The following SP100 variants were observed in gnomAD, a reference collection of about 807,000 sequenced individuals.
The protein encoded by SP100 is SP100 nuclear body protein, also known as nuclear autoantigen Sp-100.
Under a neutral mutation model 130.0 loss-of-function variants are expected in SP100, and 84 were observed. That is an observed-to-expected ratio of 0.65 (90% CI 0.54 to 0.77). SP100 has a LOEUF of 0.77. Ranked by LOEUF, SP100 falls within the 30% of genes least tolerant of loss-of-function variation. The pLI, the probability that SP100 is intolerant of heterozygous loss-of-function variation, is 0.00. For missense variants in SP100, 978 were observed against 1,052.2 expected (o/e 0.93, Z 0.97); for synonymous variants, 331 against 351.7 (o/e 0.94, Z 0.66).
Position 230,473,423 on chromosome 2 carries a change from A to G in SP100, c.1529A>G (p.Gln510Arg), listed in dbSNP as rs1314522263. ...RSQEARTESS[Q>R]ASDMMDTMDV... ...CAAGAAGCAAGGACTGAAAGTAGTCAAGCATCTGACATGATGGGTAAGGCT... is the reference window on the plus strand; with the variant it reads ...CAAGAAGCAAGGACTGAAAGTAGTCGAGCATCTGACATGATGGGTAAGGCT... Residue 510 changes from glutamine (Q) to arginine (R), a missense_variant, in exon 16 of 29, where the codon CAA becomes CGA. Gln to Arg is a conservative substitution (Grantham distance 43). Transcript: ENST00000340126. 2 of 1,611,810 alleles carry G rather than the reference A, an allele frequency of 1.2e-6. No individual in the cohort carries two copies. The highest frequency in any genetic ancestry group is 2.2e-5 in the South Asian group (2 of 91,028).
At chr2:230,466,204 CTT>C in intron 11 of SP100, 95 bp from the exon 12 acceptor site, 1 of 198,634 alleles carries the variant, frequency 5.0e-6, no homozygotes, top group Non-Finnish European at 9.3e-6. Flanking sequence ...AAAAAAAAAA[CTT>C]TGTTATTAAC....
At position 230,417,640 on chromosome 2, in the gene SP100, C is replaced by T. The variant is rs2062644900; in HGVS notation, c.82C>T (p.Pro28Ser). 1.9e-6 allele frequency: 3 copies of T among 1,613,002 alleles called. No individual in the cohort carries two copies. The highest frequency in any genetic ancestry group is 2.5e-6 in the Non-Finnish European group (3 of 1,179,686). Residue 28 changes from proline to serine, a missense_variant, in exon 2 of 29, where the codon CCT becomes TCT. Pro to Ser is a moderately conservative substitution (Grantham distance 74). Transcript: ENST00000340126. ...SPVANEMNHL[P>S]AHSHDLQRMF... is the part of the protein sequence containing the mutation. ...AGTAGCAAATGAGATGAACCATCTTCCTGCACACAGCCACGATTTGCAAAG... is the reference window on the plus strand; with the variant it reads ...AGTAGCAAATGAGATGAACCATCTTTCTGCACACAGCCACGATTTGCAAAG...
At chr2:230,431,758 T>G (rs1056271796) in intron 2 of SP100, among the ~76,000 whole-genome samples, 7 of 152,200 alleles carry the variant, frequency 4.6e-5, no homozygotes, top group African/African-American at 1.7e-4. Flanking sequence ...CTATGCAGTT[T>G]AACCTTCTTT....
intron 17 of SP100, among the ~76,000 whole-genome samples, chr2:230,493,189 C>G (rs1239698319): frequency 6.6e-6 from 1 of 151,950 alleles, no homozygotes; most frequent in Non-Finnish European, 1.5e-5. Context: ...ATAATTTGTT[C>G]ACTTACATTG....
intron 25 of SP100, 75 bp from the exon 26 acceptor site, chr2:230,540,801 A>G: frequency 6.5e-7 from 1 of 1,537,554 alleles, no homozygotes; most frequent in Admixed American, 1.8e-5. Flanking sequence ...TCTTGAGCAG[A>G]GGACTTGAAC....
chr2:230,476,870 G>A (rs1182152587), intron 17 of SP100, among the ~76,000 whole-genome samples: 1 of 151,922 alleles, frequency 6.6e-6, no homozygotes, highest in Non-Finnish European at 1.5e-5. Flanking sequence ...GTTTTGTTGT[G>A]TTTTTGTTTA....
chr2:230,453,728 C>T (rs1043486215), intron 8 of SP100, among the ~76,000 whole-genome samples: 2 of 152,066 alleles, frequency 1.3e-5, no homozygotes, highest in Admixed American at 6.5e-5. Flanking sequence ...TTTTCATATA[C>T]GTTTATCAAG....
intron 17 of SP100, among the ~76,000 whole-genome samples, chr2:230,491,481 A>G (rs949076003): frequency 4.6e-5 from 7 of 152,178 alleles, no homozygotes; most frequent in Non-Finnish European, 8.8e-5. Context: ...GCTGTGAGGG[A>G]CACATCTTGG....
intron 24 of SP100, among the ~76,000 whole-genome samples, chr2:230,521,752 A>G (rs1341158515): frequency 6.6e-6 from 1 of 152,078 alleles, no homozygotes; most frequent in Non-Finnish European, 1.5e-5. Context: ...AAGCCCTCCT[A>G]AGCAGCTGCC....
intron 2 of SP100, among the ~76,000 whole-genome samples, chr2:230,428,323 A>G (rs2062997786): frequency 6.6e-6 from 1 of 152,220 alleles, no homozygotes; most frequent in Non-Finnish European, 1.5e-5. Flanking sequence ...CACAGGCTGT[A>G]CAGGAGGCAT....
chr2:230,454,877 G>T (rs1464891285), intron 8 of SP100, among the ~76,000 whole-genome samples: 1 of 152,152 alleles, frequency 6.6e-6, no homozygotes, highest in African/African-American at 2.4e-5. Context: ...GCTGAAGGTA[G>T]GGTGTTGAAG....
In SP100 at chr2:230,527,720, T is replaced by C. The variant is rs919859814; in HGVS notation, c.2095-11547T>C. Among the ~76,000 whole-genome samples the C allele has an allele frequency of 1.1e-4, 17 of 152,108 alleles. 1 individual carries two copies. In the South Asian group the frequency reaches 1.4e-3, roughly 13 times the overall value. ...CACACATAGGCTCAAAATAAAGGGA[T>C]GGAGGAAGATCTACGAAGCAAATGG... On this transcript the variant is annotated intron_variant, in intron 24 of 28. Coordinates refer to ENST00000340126, the MANE Select transcript of SP100 (RefSeq NM_001080391.2).
chr2:230,494,661 C>G (rs553229833), intron 18 of SP100, among the ~76,000 whole-genome samples: 79 of 152,218 alleles, frequency 5.2e-4, no homozygotes, highest in African/African-American at 1.8e-3. Flanking sequence ...ATCTAAGAGC[C>G]CAGAAGTGGT....
At position 230,508,004 on chromosome 2, in the gene SP100, G is replaced by C. The variant is rs368792534; in HGVS notation, c.2025G>C (p.Leu675=). 9.1e-5 allele frequency: 147 copies of C among 1,612,838 alleles called. No individual in the cohort carries two copies. The highest frequency in any genetic ancestry group is 3.3e-4 in the Admixed American group (20 of 59,934). ...CTTTTCTTTTTTAGAACAAATTTCTGCCAGAACCACCAAGCACAAGAAAAA... is the reference window on the plus strand; with the variant it reads ...CTTTTCTTTTTTAGAACAAATTTCTCCCAGAACCACCAAGCACAAGAAAAA... The part of the protein sequence containing the change: ...TLKVLMENKF[L]PEPPSTRKKR... Residue 675 remains leucine, a synonymous_variant, in exon 23 of 29, where the codon CTG becomes CTC. Coordinates refer to ENST00000340126, the MANE Select transcript of SP100 (RefSeq NM_001080391.2).
In SP100 at chr2:230,416,295, A is replaced by C. The variant is rs776145745; in HGVS notation, c.-2A>C. 2 of 1,613,408 alleles carry C rather than the reference A, an allele frequency of 1.2e-6. No individual in the cohort carries two copies. The highest frequency in any genetic ancestry group is 1.7e-6 in the Non-Finnish European group (2 of 1,179,494). Reference sequence around the variant, plus strand: ...GGCCCACGCAGGGCCTAGGGTGGGAAGATGGCAGGTGGGGGCGGCGACCTG... The same window carrying C: ...GGCCCACGCAGGGCCTAGGGTGGGACGATGGCAGGTGGGGGCGGCGACCTG... On this transcript the variant is annotated 5_prime_UTR_variant, in exon 1 of 29. Transcript: ENST00000340126.
At chr2:230,515,534 CA>C in intron 24 of SP100, 1 of 1,599,918 alleles carries the variant, frequency 6.3e-7, no homozygotes, top group Non-Finnish European at 8.5e-7. Flanking sequence ...CCTAATTCAG[CA>C]AAAAAGAGAG....
chr2:230,524,914 A>G (rs556511480), intron 24 of SP100, among the ~76,000 whole-genome samples: 1 of 152,326 alleles, frequency 6.6e-6, no homozygotes, highest in Non-Finnish European at 1.5e-5. Flanking sequence ...ATGTGTTTTT[A>G]TTGAGAAAAA....
At chr2:230,539,561 A>T (rs1692082957) in intron 25 of SP100, among the ~76,000 whole-genome samples, 179 bp downstream of exon 25, 1 of 152,230 alleles carries the variant, frequency 6.6e-6, no homozygotes, top group Non-Finnish European at 1.5e-5. Context: ...CAGTGCTGGT[A>T]GCAGCAGATT....
At chr2:230,519,623 T>A (rs1047264157) in intron 24 of SP100, among the ~76,000 whole-genome samples, 1 of 152,102 alleles carries the variant, frequency 6.6e-6, no homozygotes, top group Non-Finnish European at 1.5e-5. Flanking sequence ...GAAATTGGAA[T>A]GAAAGGGAGA....
Sources: allele counts gnomAD v4.1 joint callset (sites outside exome capture counted in the v4.1 genomes callset), GRCh38; gene constraint gnomAD v4.1.1; transcripts MANE v1.5; gene names NCBI Gene and HGNC (gene_info 2026-07-23, HGNC 2026-07-21).